The following RTN1 variants were observed in gnomAD, a reference collection of about 807,000 sequenced individuals.
RTN1 encodes reticulon-1.
In RTN1, 25 loss-of-function variants were observed where a neutral mutation model predicts 65.5. The ratio of observed to expected loss-of-function variants is 0.38; its 90% CI spans 0.28 to 0.53. The LOEUF is 0.53. Ranked by LOEUF, RTN1 falls within the 20% of genes least tolerant of loss-of-function variation. The pLI, the probability that RTN1 is intolerant of heterozygous loss-of-function variation, is 0.79. For synonymous variants in RTN1, 471 were observed against 447.6 expected (o/e 1.05, Z -0.66); for missense variants, 983 against 1,025.4 (o/e 0.96, Z 0.57).
chr14:59,654,923 C>T (rs76377878), intron 3 of RTN1, among the ~76,000 whole-genome samples: 1 of 152,140 alleles, frequency 6.6e-6, no homozygotes, highest in Non-Finnish European at 1.5e-5. Flanking sequence ...ATTGTCTATT[C>T]TCACAACTTC....
intron 2 of RTN1, among the ~76,000 whole-genome samples, chr14:59,743,161 G>A (rs574920161): frequency 5.3e-5 from 8 of 152,266 alleles, no homozygotes; most frequent in African/African-American, 1.9e-4. Context: ...ACCCAACATC[G>A]TAAAACTCCA....
intron 3 of RTN1, among the ~76,000 whole-genome samples, chr14:59,641,715 A>G (rs1882785470): frequency 6.6e-6 from 1 of 152,208 alleles, no homozygotes; most frequent in South Asian, 2.1e-4. Flanking sequence ...TACAATGTTC[A>G]TCCTTAATAT....
intron 3 of RTN1, among the ~76,000 whole-genome samples, chr14:59,650,472 T>C (rs1348926886): frequency 1.3e-5 from 2 of 152,234 alleles, no homozygotes; most frequent in East Asian, 3.8e-4. Context: ...AACTATTTTT[T>C]GTTTGCAAAT....
rs183915729 is a variant in RTN1 at position 59,858,920 on chromosome 14, T to C, written c.241+11470A>G. Among the ~76,000 whole-genome samples the C allele has an allele frequency of 9.6e-4, 146 of 152,330 alleles. 1 individual carries two copies. The highest frequency in any genetic ancestry group is 1.5e-3 in the Non-Finnish European group (99 of 68,024). ...AAAGAATAAAAGAGATACTTGCAGA[T>C]AACATATTTTATATTTATGTTAATA... is the stretch of plus-strand genomic sequence containing the variant. On this transcript the variant is annotated intron_variant, in intron 1 of 8. Transcript: ENST00000267484.
intron 1 of RTN1, among the ~76,000 whole-genome samples, chr14:59,844,672 G>A (rs1887374473): frequency 6.6e-6 from 1 of 152,156 alleles, no homozygotes; most frequent in Non-Finnish European, 1.5e-5. Flanking sequence ...ACAACAGCAA[G>A]TGTGTTGTTA....
intron 1 of RTN1, among the ~76,000 whole-genome samples, chr14:59,770,907 C>T (rs1885944116): frequency 6.6e-6 from 1 of 152,076 alleles, no homozygotes; most frequent in African/African-American, 2.4e-5. Context: ...ATTAGCCAGG[C>T]ATGGTGGCCG....
At chr14:59,800,695 G>A (rs866213504) in intron 1 of RTN1, among the ~76,000 whole-genome samples, 5 of 151,880 alleles carry the variant, frequency 3.3e-5, no homozygotes, top group East Asian at 1.9e-4. Flanking sequence ...CCACCACACC[G>A]GGCCAAAAAT....
intron 3 of RTN1, among the ~76,000 whole-genome samples, chr14:59,668,130 G>T (rs991382380): frequency 1.3e-5 from 2 of 152,102 alleles, no homozygotes; most frequent in African/African-American, 4.8e-5. Flanking sequence ...AACCAAAAAA[G>T]GGCCCACATT....
chr14:59,755,218 G>A (rs1297041906), intron 1 of RTN1, among the ~76,000 whole-genome samples: 1 of 152,146 alleles, frequency 6.6e-6, no homozygotes, highest in Admixed American at 6.5e-5. Context: ...TCTGAGAACA[G>A]AGATAGAAAT....
chr14:59,828,005 A>G (rs1407600663), intron 1 of RTN1, among the ~76,000 whole-genome samples: 3 of 152,208 alleles, frequency 2.0e-5, no homozygotes, highest in Non-Finnish European at 2.9e-5. Flanking sequence ...TGTAAGACCA[A>G]AATAAGTTGC....
At chr14:59,649,140 A>G (rs1882966607) in intron 3 of RTN1, among the ~76,000 whole-genome samples, 1 of 152,230 alleles carries the variant, frequency 6.6e-6, no homozygotes, top group Non-Finnish European at 1.5e-5. Flanking sequence ...CAAACCTGAC[A>G]AAAACAAGCA....
chr14:59,867,836 T>TA (rs1456816337), intron 1 of RTN1, among the ~76,000 whole-genome samples: 4 of 152,084 alleles, frequency 2.6e-5, no homozygotes, highest in Admixed American at 6.6e-5. Context: ...ACCACTCTTT[T>TA]AAAAAAATAA....
chr14:59,630,676 A>C (rs1029001880), intron 3 of RTN1: 41 of 1,189,930 alleles, frequency 3.4e-5, no homozygotes, highest in Admixed American at 4.6e-5. Flanking sequence ...CTGGCGCCGC[A>C]GTCTGCGCGG....
chr14:59,620,810 C>T (rs1882235671), intron 3 of RTN1, among the ~76,000 whole-genome samples: 1 of 152,110 alleles, frequency 6.6e-6, no homozygotes, highest in South Asian at 2.1e-4. Flanking sequence ...TGGGGCTGGT[C>T]CAGGGCTGTG....
At chr14:59,702,759 CA>C (rs1001570552) in intron 3 of RTN1, among the ~76,000 whole-genome samples, 7 of 152,228 alleles carry the variant, frequency 4.6e-5, no homozygotes, top group African/African-American at 1.7e-4. Context: ...ATATGGCAAG[CA>C]GAGTGAGTGC....
At chr14:59,691,130 C>G (rs546428197) in intron 3 of RTN1, among the ~76,000 whole-genome samples, 3 of 151,932 alleles carry the variant, frequency 2.0e-5, no homozygotes, top group African/African-American at 7.2e-5. Flanking sequence ...TCCATGCAAA[C>G]CTAACAAACC....
rs371989015 is a variant in RTN1 at position 59,644,157 on chromosome 14, T to C, written c.1766-36665A>G. ...GATGGGCAACTAGAAGCAACTGGTG[T>C]GTGTTGCTCTTATGGAGAGCAATAG... is the stretch of plus-strand genomic sequence containing the variant. On this transcript the variant is annotated intron_variant, in intron 3 of 8. Transcript: ENST00000267484. 6.6e-5 allele frequency among the ~76,000 whole-genome samples: 10 copies of C among 152,174 alleles called. No individual in the cohort carries two copies. The East Asian group carries it at 9.6e-4, about 15-fold the overall frequency.
intron 3 of RTN1, among the ~76,000 whole-genome samples, chr14:59,672,632 T>A: frequency 8.7e-6 from 1 of 114,542 alleles, no homozygotes; most frequent in South Asian, 3.0e-4. Flanking sequence ...TTTCTTTTTT[T>A]TTTTTTTTTT....
intron 1 of RTN1, among the ~76,000 whole-genome samples, chr14:59,860,910 AT>A (rs1204625410): frequency 6.6e-6 from 1 of 152,140 alleles, no homozygotes; most frequent in Non-Finnish European, 1.5e-5. Context: ...TATTTACCCA[AT>A]GCCTGTACCC....
Sources: allele counts gnomAD v4.1 joint callset (sites outside exome capture counted in the v4.1 genomes callset), GRCh38; gene constraint gnomAD v4.1.1; transcripts MANE v1.5; gene names NCBI Gene and HGNC (gene_info 2026-07-23, HGNC 2026-07-21).